MARCHF6: variants seen among roughly 807,000 people sequenced by gnomAD.
The protein encoded by MARCHF6 is membrane associated ring-CH-type finger 6, also known as E3 ubiquitin-protein ligase MARCHF6.
A neutral mutation model predicts 133.7 loss-of-function variants in MARCHF6; 31 were observed. The observed-to-expected ratio is 0.23, with a 90% CI of 0.17 to 0.31. The LOEUF (loss-of-function observed/expected upper bound fraction) is 0.31. Ranked by LOEUF, MARCHF6 falls within the 10% of genes least tolerant of loss-of-function variation. MARCHF6 has a pLI of 1.00. For missense variants in MARCHF6, 723 were observed against 1,121.6 expected (o/e 0.64, Z 5.08); for synonymous variants, 395 against 402.5 (o/e 0.98, Z 0.22).
chr5:10,382,872 C>T (rs1737239857), intron 4 of MARCHF6, among the ~76,000 whole-genome samples: 2 of 152,078 alleles, frequency 1.3e-5, no homozygotes, highest in Non-Finnish European at 1.5e-5. Flanking sequence ...ATGTAATGGT[C>T]ATAAATAATT....
intron 22 of MARCHF6, among the ~76,000 whole-genome samples, chr5:10,418,828 A>G (rs1353688178): frequency 1.3e-5 from 2 of 152,208 alleles, no homozygotes; most frequent in Non-Finnish European, 2.9e-5. Flanking sequence ...GGAAAGCTAG[A>G]CAGGTACACA....
chr5:10,379,562 G>A (rs922353342), intron 3 of MARCHF6, among the ~76,000 whole-genome samples: 1 of 151,824 alleles, frequency 6.6e-6, no homozygotes, highest in South Asian at 2.1e-4. Flanking sequence ...CCGGGTTCAC[G>A]CCATTCTCCT....
At position 10,411,674 on chromosome 5, in the gene MARCHF6, T is replaced by C. The variant is rs1283741079; in HGVS notation, c.1896+137T>C. ...TCCACATTTTATTACCCTCATTATG[T>C]AACGTAAATGATTAGGTAAGTTTAT... On this transcript the variant is annotated intron_variant, in intron 19 of 25. Transcript: ENST00000274140. The C allele has an allele frequency of 5.1e-6, 3 of 588,020 alleles. No individual in the cohort carries two copies. The African/African-American group carries it at 5.7e-5, about 11-fold the overall frequency. The allele number at this position is 588,020 out of a possible 1,614,324, so 36.4% of individuals were successfully genotyped here. A position where few individuals can be genotyped will look rare whatever the true frequency, so the allele number is the denominator to read the frequency against.
At chr5:10,364,136 T>C (rs1478546857) in intron 1 of MARCHF6, among the ~76,000 whole-genome samples, 1 of 152,256 alleles carries the variant, frequency 6.6e-6, no homozygotes, top group African/African-American at 2.4e-5. Flanking sequence ...CTGTGAGATA[T>C]CATTACATAC....
intron 19 of MARCHF6, among the ~76,000 whole-genome samples, chr5:10,413,839 G>A (rs1045239229): frequency 6.6e-6 from 1 of 152,146 alleles, no homozygotes; most frequent in Admixed American, 6.5e-5. Flanking sequence ...CTTGACACCT[G>A]GGGATTATTA....
intron 7 of MARCHF6, among the ~76,000 whole-genome samples, chr5:10,393,738 C>CAGAATGTCCTTAGTTCCCTGG (rs1197991368): frequency 2.0e-5 from 3 of 152,212 alleles, no homozygotes; most frequent in Non-Finnish European, 4.4e-5. Context: ...TATCATTAGT[C>CAGAATGTCCTTAGTTCCCTGG]AGAATGTCCT....
chr5:10,393,456 C>T (rs181593837), intron 7 of MARCHF6, among the ~76,000 whole-genome samples: 85 of 152,218 alleles, frequency 5.6e-4, no homozygotes, highest in Admixed American at 4.4e-3. Flanking sequence ...TGAGAAAAAG[C>T]GACTTGTGTA....
intron 1 of MARCHF6, among the ~76,000 whole-genome samples, chr5:10,375,441 C>G (rs9312730): frequency 0.017 from 2,522 of 152,372 alleles, 79 homozygotes; most frequent in African/African-American, 0.058. Context: ...AGCCTCCCAC[C>G]CACTCCATGG....
intron 6 of MARCHF6, among the ~76,000 whole-genome samples, chr5:10,391,161 C>T: frequency 6.6e-6 from 1 of 152,154 alleles, no homozygotes; most frequent in Non-Finnish European, 1.5e-5. Flanking sequence ...GAGATTGGCT[C>T]TTGCTCTGTC....
chr5:10,373,366 G>A (rs570103905), intron 1 of MARCHF6, among the ~76,000 whole-genome samples: 2 of 152,154 alleles, frequency 1.3e-5, no homozygotes, highest in South Asian at 4.1e-4. Flanking sequence ...TCCACCATTC[G>A]CTAGCTGGCC....
Position 10,433,742 on chromosome 5 carries a change from C to T in MARCHF6, c.*58C>T, listed in dbSNP as rs977446389. On this transcript the variant is annotated 3_prime_UTR_variant, in exon 26 of 26. Coordinates refer to ENST00000274140, the MANE Select transcript of MARCHF6 (RefSeq NM_005885.4). Reference sequence around the variant, plus strand: ...TACATGTCCTTTTTTGTGGACTTCTCTCTTTGGAGATTTTTCCCAGTGATC... The same window carrying T: ...TACATGTCCTTTTTTGTGGACTTCTTTCTTTGGAGATTTTTCCCAGTGATC... The T allele has an allele frequency of 1.6e-5, 22 of 1,394,314 alleles. No homozygotes were observed. Among genetic ancestry groups the T allele is most frequent in the Non-Finnish European group, 1.7e-5 (17 of 981,650 alleles). 86.4% of individuals were successfully genotyped at this position (1,394,314 alleles called of 1,614,324 possible). A position where few individuals can be genotyped will look rare whatever the true frequency, so the allele number is the denominator to read the frequency against.
intron 19 of MARCHF6, chr5:10,413,346 C>T (rs1739336071): frequency 6.6e-6 from 1 of 152,212 alleles, no homozygotes; most frequent in Non-Finnish European, 1.5e-5. Context: ...TGACTTTTCA[C>T]ACAGTTACAG....
Position 10,378,779 on chromosome 5 carries a change from A to G in MARCHF6, c.137A>G (p.His46Arg), listed in dbSNP as rs1030263736. ...TACAGCTTAGTTCAATGGCTGAAAC[A>G]CAGTCGAAAAGAATACTGTGAATTA... ...HQECLVQWLK[H>R]SRKEYCELCK... Residue 46 changes from histidine (H) to arginine (R), a missense_variant, in exon 3 of 26, where the codon CAC becomes CGC. Around this residue, in one of 4 missense-constraint regions of MARCHF6, gnomAD observed 91 missense variants for 208.8 expected, o/e 0.44. Transcript: ENST00000274140. The G allele has an allele frequency of 1.2e-6, 2 of 1,608,162 alleles. No homozygotes were observed. Among genetic ancestry groups the G allele is most frequent in the Non-Finnish European group, 1.7e-6 (2 of 1,176,026 alleles).
chr5:10,381,518 G>T (rs79517745), intron 3 of MARCHF6, among the ~76,000 whole-genome samples: 1,776 of 152,278 alleles, frequency 0.012, 18 homozygotes, highest in Non-Finnish European at 0.02. Context: ...AATGGGCCTT[G>T]TATGAGGTTC....
In MARCHF6 at chr5:10,417,081, C is replaced by T. The variant is rs150537837; in HGVS notation, c.2149-189C>T. Among the ~76,000 whole-genome samples, 446 of 152,310 alleles carry T rather than the reference C, an allele frequency of 2.9e-3. 2 individuals carry two copies. Among genetic ancestry groups the T allele is most frequent in the African/African-American group, 0.01 (424 of 41,564 alleles). On this transcript the variant is annotated intron_variant, in intron 21 of 25. Transcript: ENST00000274140. ...GGATTGTGAGAAAAAAACAGCCCAGCCAGCTGTGTGCTTTTTATGTAAGAG... is the reference window on the plus strand; with the variant it reads ...GGATTGTGAGAAAAAAACAGCCCAGTCAGCTGTGTGCTTTTTATGTAAGAG...
Position 10,436,514 on chromosome 5 carries a change from T to TTA in MARCHF6, c.*2834_*2835dup, listed in dbSNP as rs1740661314. The TTA allele has an allele frequency of 6.6e-6, 1 of 152,138 alleles. No individual in the cohort carries two copies. The highest frequency in any genetic ancestry group is 2.4e-5 in the African/African-American group (1 of 41,438). 9.4% of individuals were successfully genotyped at this position (152,138 alleles called of 1,614,324 possible). A position where few individuals can be genotyped will look rare whatever the true frequency, so the allele number is the denominator to read the frequency against. ...AATTATACTATTATTTTGCTTAATT[T>TTA]TATATTGGGTTAAAACAACCTTCAA... On this transcript the variant is annotated 3_prime_UTR_variant, in exon 26 of 26. Transcript: ENST00000274140.
intron 19 of MARCHF6, among the ~76,000 whole-genome samples, chr5:10,414,169 G>GT (rs902853279): frequency 1.6e-4 from 23 of 147,802 alleles, no homozygotes; most frequent in Middle Eastern, 3.5e-3. Flanking sequence ...TAAGGTGAAT[G>GT]TTTTTTTTTT....
intron 4 of MARCHF6, among the ~76,000 whole-genome samples, chr5:10,386,347 C>T (rs931389854): frequency 2.6e-5 from 4 of 152,116 alleles, no homozygotes; most frequent in Non-Finnish European, 4.4e-5. Flanking sequence ...TTCTTGTGCC[C>T]CATTTTCAAA....
At position 10,402,117 on chromosome 5, in the gene MARCHF6, C is replaced by T; in HGVS notation, c.1031C>T (p.Ala344Val). The T allele has an allele frequency of 6.2e-7, 1 of 1,604,582 alleles. No homozygotes were observed. Among genetic ancestry groups the T allele is most frequent in the Non-Finnish European group, 8.5e-7 (1 of 1,172,388 alleles). ...ITTIVGYILLAITLIICHGLA... is the reference protein window; with the variant it reads ...ITTIVGYILLVITLIICHGLA... ...ACCATAGTTGGGTATATACTTTTAG[C>T]AATAACACTGATAATTTGTCATGTA... is the stretch of plus-strand genomic sequence containing the variant. The change falls in exon 12 of 26, where the codon GCA becomes GTA. Residue 344 changes from alanine (A) to valine (V), a missense_variant. Ala to Val is a moderately conservative substitution (Grantham distance 64). Transcript: ENST00000274140.
Sources: gnomAD v4.1 joint callset for allele counts (sites outside exome capture counted in the v4.1 genomes callset) on GRCh38, gnomAD v4.1.1 for gene constraint, gnomAD v4.1.1 regional missense constraint, MANE v1.5 for transcripts, NCBI Gene and HGNC (gene_info 2026-07-23, HGNC 2026-07-21) for gene names.